Variants in VBP1 observed in about 807,000 individuals in gnomAD.
VBP1 encodes VHL binding protein 1.
In VBP1, 4 loss-of-function variants were observed where a neutral mutation model predicts 15.5. The ratio of observed to expected loss-of-function variants is 0.26; its 90% CI spans 0.13 to 0.59. VBP1 has a LOEUF of 0.59. Among genes scored for constraint, VBP1 ranks in the 20% least tolerant of loss-of-function variants. The pLI, the probability that VBP1 is intolerant of heterozygous loss-of-function variation, is 0.90. For synonymous variants in VBP1, 61 were observed against 52.1 expected (o/e 1.17, Z -0.74); for missense variants, 108 against 139.6 (o/e 0.77, Z 1.14).
intron 1 of VBP1, chrX:155,208,793 G>T (rs200803973): frequency 3.6e-6 from 2 of 551,502 alleles, no homozygotes; most frequent in East Asian, 7.6e-5. Flanking sequence ...GGGGCTACTT[G>T]TTCTCATGGT....
upstream of VBP1, among the ~76,000 whole-genome samples, chrX:155,214,768 C>CT (rs782556765): frequency 1.5e-3 from 127 of 83,020 alleles, 2 homozygotes; most frequent in Non-Finnish European, 1.7e-3. Context: ...TTTTCTTTTC[C>CT]TTTTTTTTTT....
At chrX:155,238,294 C>T (rs997209594) in intron 5 of VBP1, among the ~76,000 whole-genome samples, 3 of 112,006 alleles carry the variant, frequency 2.7e-5, no homozygotes, top group African/African-American at 9.7e-5. Context: ...TTATTCAGGT[C>T]AGGGCTTTGT....
At chrX:155,205,923 G>A (rs1300540641) in intron 1 of VBP1, among the ~76,000 whole-genome samples, 1 of 112,181 alleles carries the variant, frequency 8.9e-6, no homozygotes, top group African/African-American at 3.2e-5. Flanking sequence ...AACTGCTAAC[G>A]TAAAGGTCTC....
chrX:155,204,817 A>G (rs1044064889), intron 1 of VBP1, among the ~76,000 whole-genome samples: 1 of 112,137 alleles, frequency 8.9e-6, no homozygotes, highest in Non-Finnish European at 1.9e-5. Flanking sequence ...AGAGTTATGA[A>G]CTACTGTTTG....
intron 5 of VBP1, among the ~76,000 whole-genome samples, chrX:155,238,279 C>G (rs1289429215): frequency 1.8e-5 from 2 of 112,096 alleles, no homozygotes; most frequent in African/African-American, 6.5e-5. Flanking sequence ...AGAACTTCAC[C>G]TGTCTTATTC....
At chrX:155,199,388 C>T (rs1458104950) in intron 1 of VBP1, among the ~76,000 whole-genome samples, 1 of 111,400 alleles carries the variant, frequency 9.0e-6, no homozygotes, top group Non-Finnish European at 1.9e-5. Flanking sequence ...AAGGGAAGCC[C>T]ATCAGACTAA....
intron 1 of VBP1, among the ~76,000 whole-genome samples, chrX:155,200,350 T>C (rs1557307267): frequency 9.5e-6 from 1 of 105,409 alleles, no homozygotes; most frequent in East Asian, 2.9e-4. Context: ...ATTGACCACA[T>C]AGTTGGAAGT....
At chrX:155,224,119 T>G (rs1378919622) in intron 2 of VBP1, among the ~76,000 whole-genome samples, 34 of 63,493 alleles carry the variant, frequency 5.4e-4, no homozygotes, top group South Asian at 7.7e-4. Flanking sequence ...CTTCCCAGAG[T>G]GGGCGGCCGG....
intron 1 of VBP1, among the ~76,000 whole-genome samples, chrX:155,217,530 C>G (rs1190322041): frequency 8.9e-6 from 1 of 111,813 alleles, no homozygotes; most frequent in East Asian, 2.8e-4. Context: ...TTTTTACTAA[C>G]TACGTCTTAT....
intron 4 of VBP1, among the ~76,000 whole-genome samples, chrX:155,235,596 G>A (rs971734064): frequency 8.9e-6 from 1 of 111,856 alleles, no homozygotes; most frequent in Admixed American, 9.5e-5. Flanking sequence ...ACATTACCTT[G>A]TCTTAATCCC....
At chrX:155,199,083 G>A (rs1045640303) in intron 1 of VBP1, among the ~76,000 whole-genome samples, 16 of 110,912 alleles carry the variant, frequency 1.4e-4, no homozygotes, top group African/African-American at 4.6e-4. Flanking sequence ...AAATGAACAA[G>A]GCCTCCAAGA....
chrX:155,207,506 A>G (rs1232820090), intron 1 of VBP1, among the ~76,000 whole-genome samples: 1 of 111,894 alleles, frequency 8.9e-6, no homozygotes, highest in East Asian at 2.8e-4. Flanking sequence ...GTAAGGCAAG[A>G]GGTCTTGGTA....
At chrX:155,209,211 A>T (rs2124049085) in intron 2 of VBP1, among the ~76,000 whole-genome samples, 1 of 112,534 alleles carries the variant, frequency 8.9e-6, no homozygotes, top group Admixed American at 9.4e-5. Flanking sequence ...CTGGCTTCTT[A>T]TATTTATTCA....
Position 155,198,203 on chromosome X carries a change from A to G in VBP1, c.-31+1064A>G, listed in dbSNP as rs782611329. ...GCATGGCACAGACACACAAAAAGACAGCAGTAACCTCTGCAGACTTAAATG... is the reference window on the plus strand; with the variant it reads ...GCATGGCACAGACACACAAAAAGACGGCAGTAACCTCTGCAGACTTAAATG... On this transcript the variant is annotated intron_variant, in intron 1 of 6. Transcript: ENST00000535916. Among the ~76,000 whole-genome samples the G allele has an allele frequency of 3.6e-4, 41 of 112,721 alleles. No individual in the cohort carries two copies. In the Middle Eastern group the frequency reaches 0.014, roughly 39 times the overall value.
chrX:155,211,209 C>G (rs1213236257), intron 2 of VBP1, among the ~76,000 whole-genome samples: 1 of 111,628 alleles, frequency 9.0e-6, no homozygotes, highest in Non-Finnish European at 1.9e-5. Context: ...TCTTGCCCAG[C>G]TAGGTGGTTT....
chrX:155,230,990 TCTTA>T (rs782284967), intron 4 of VBP1, among the ~76,000 whole-genome samples: 1 of 112,379 alleles, frequency 8.9e-6, no homozygotes, highest in East Asian at 2.8e-4. Flanking sequence ...TCTGTTCTTC[TCTTA>T]CTTCCTCGCT....
At chrX:155,205,225 C>T (rs1356110318) in intron 1 of VBP1, among the ~76,000 whole-genome samples, 1 of 112,156 alleles carries the variant, frequency 8.9e-6, no homozygotes, top group Non-Finnish European at 1.9e-5. Flanking sequence ...TCCAGCCACA[C>T]ACCAATTAGC....
At chrX:155,230,217 A>G (rs2074738868) in intron 4 of VBP1, among the ~76,000 whole-genome samples, 1 of 111,393 alleles carries the variant, frequency 9.0e-6, no homozygotes, top group Non-Finnish European at 1.9e-5. Flanking sequence ...GTTGATGTGT[A>G]GAAGCATCAC....
chrX:155,234,629 A>G (rs1183086533), intron 4 of VBP1, among the ~76,000 whole-genome samples: 1 of 111,607 alleles, frequency 9.0e-6, no homozygotes, highest in Non-Finnish European at 1.9e-5. Flanking sequence ...GAGCCATTAT[A>G]TACTGTTTGC....
Sources: allele counts gnomAD v4.1 joint callset (sites outside exome capture counted in the v4.1 genomes callset), GRCh38; gene constraint gnomAD v4.1.1; transcripts MANE v1.5; gene names NCBI Gene and HGNC (gene_info 2026-07-23, HGNC 2026-07-21).